The following POLR3B variants were observed in gnomAD, a reference collection of about 807,000 sequenced individuals.
POLR3B encodes DNA-directed RNA polymerase III subunit RPC2.
Under a neutral mutation model 147.4 loss-of-function variants are expected in POLR3B, and 96 were observed. The observed-to-expected ratio is 0.65, with a 90% confidence interval of 0.55 to 0.77. The LOEUF (loss-of-function observed/expected upper bound fraction) is 0.77. Among genes scored for constraint, POLR3B ranks in the 30% least tolerant of loss-of-function variants. The pLI, the probability that POLR3B is intolerant of heterozygous loss-of-function variation, is 0.00. For missense variants in POLR3B, 1,036 were observed against 1,413.5 expected, an observed-to-expected ratio of 0.73 and a Z score of 4.28; for synonymous variants, 461 against 485.9, an observed-to-expected ratio of 0.95 and a Z score of 0.67.
chr12:106,496,293 T>A lies in POLR3B; in HGVS notation c.2817+135T>A, dbSNP rs903941918. On this transcript the variant is annotated intron_variant, in intron 24 of 27. Coordinates refer to ENST00000228347, the MANE Select transcript of POLR3B (RefSeq NM_018082.6). ...TAGAGCTCTTCTGCCCCTTGCCAGATAAACAGGCTTCCAGCCCCTAACGAT... is the reference window on the plus strand; with the variant it reads ...TAGAGCTCTTCTGCCCCTTGCCAGAAAAACAGGCTTCCAGCCCCTAACGAT... The A allele has an allele frequency of 1.5e-5, 11 of 721,716 alleles. No homozygotes were observed. The Admixed American group carries it at 2.0e-4, about 13-fold the overall frequency. The allele number at this position is 721,716 out of a possible 1,614,324, so 44.7% of individuals were successfully genotyped here. A position where few individuals can be genotyped will look rare whatever the true frequency, so the allele number is the denominator to read the frequency against.
chr12:106,379,900 T>C, intron 8 of POLR3B, 131 bp from the exon 9 acceptor site: 1 of 689,576 alleles, frequency 1.5e-6, no homozygotes, highest in Non-Finnish European at 2.7e-6. Flanking sequence ...TTTAAAGTAC[T>C]TATTAGAAAG....
intron 1 of POLR3B, among the ~76,000 whole-genome samples, chr12:106,363,232 C>T (rs768741498): frequency 3.9e-5 from 6 of 152,194 alleles, no homozygotes; most frequent in African/African-American, 7.2e-5. Flanking sequence ...ACTCCATTCC[C>T]GAATTCAAGA....
rs558314443 is a variant in POLR3B at position 106,402,361 on chromosome 12, A to G, written c.847-3496A>G. Among the ~76,000 whole-genome samples the G allele has an allele frequency of 8.0e-4, 122 of 152,300 alleles. 1 individual carries two copies. Among genetic ancestry groups the G allele is most frequent in the African/African-American group, 2.8e-3 (117 of 41,558 alleles). On this transcript the variant is annotated intron_variant, in intron 10 of 27. Coordinates refer to ENST00000228347, the MANE Select transcript of POLR3B (RefSeq NM_018082.6). The stretch of plus-strand genomic sequence containing the variant: ...TCATGCTCATGGGTAGGAAGAATCA[A>G]TATCGTGAAAATGGCCATACTGCCC...
chr12:106,405,749 A>G (rs1290802223), intron 10 of POLR3B, 108 bp from the exon 11 acceptor site: 8 of 1,070,616 alleles, frequency 7.5e-6, no homozygotes, highest in African/African-American at 4.7e-5. Flanking sequence ...AGCTTTCTCT[A>G]TAACCAGGGT....
At chr12:106,366,780 G>C in intron 4 of POLR3B, 58 bp downstream of exon 4, 1 of 1,287,944 alleles carries the variant, frequency 7.8e-7, no homozygotes, top group Non-Finnish European at 1.1e-6. Context: ...TTTTTAAAGT[G>C]AGTGAAGTTG....
At chr12:106,440,353 A>G (rs991350259) in intron 18 of POLR3B, among the ~76,000 whole-genome samples, 1 of 152,096 alleles carries the variant, frequency 6.6e-6, no homozygotes, top group Non-Finnish European at 1.5e-5. Flanking sequence ...ACCTGTTCCC[A>G]TATAGTCTTT....
intron 10 of POLR3B, among the ~76,000 whole-genome samples, chr12:106,405,252 G>C (rs1373481282): frequency 6.6e-6 from 1 of 152,008 alleles, no homozygotes; most frequent in African/African-American, 2.4e-5. Flanking sequence ...GAATTAGTCA[G>C]TTTTTGCTTT....
intron 23 of POLR3B, among the ~76,000 whole-genome samples, chr12:106,472,891 G>T (rs374281078): frequency 1.5e-5 from 2 of 137,060 alleles, no homozygotes; most frequent in South Asian, 2.3e-4. Flanking sequence ...GTCAATTTTG[G>T]CTTTTGTTGC....
At chr12:106,384,630 T>C (rs1303061693) in intron 9 of POLR3B, among the ~76,000 whole-genome samples, 1 of 152,140 alleles carries the variant, frequency 6.6e-6, no homozygotes, top group Non-Finnish European at 1.5e-5. Flanking sequence ...TTTTGTATTT[T>C]TGTGCTTTGT....
chr12:106,463,289 G>A (rs530654402), intron 22 of POLR3B, among the ~76,000 whole-genome samples, 189 bp from the exon 23 acceptor site: 5 of 152,240 alleles, frequency 3.3e-5, no homozygotes, highest in African/African-American at 4.8e-5. Flanking sequence ...CATAATAAAC[G>A]TGTAGCATTG....
At chr12:106,495,753 G>T (rs1418518812) in intron 23 of POLR3B, among the ~76,000 whole-genome samples, 3 of 152,244 alleles carry the variant, frequency 2.0e-5, no homozygotes, top group Admixed American at 2.0e-4. Context: ...CTGGGGTCCA[G>T]TGAAGCTGCT....
chr12:106,496,719 G>A, intron 24 of POLR3B, 33 bp from the exon 25 acceptor site: 1 of 1,604,672 alleles, frequency 6.2e-7, no homozygotes, highest in Non-Finnish European at 8.5e-7. Context: ...GTGCCACAGG[G>A]AGGTGCTCAC....
intron 16 of POLR3B, among the ~76,000 whole-genome samples, chr12:106,434,954 C>T (rs2037558306): frequency 6.6e-6 from 1 of 152,056 alleles, no homozygotes; most frequent in Non-Finnish European, 1.5e-5. Flanking sequence ...AATTTGAATC[C>T]CAGGTAAAAT....
At chr12:106,421,448 A>G (rs569496648) in intron 12 of POLR3B, among the ~76,000 whole-genome samples, 2 of 152,210 alleles carry the variant, frequency 1.3e-5, no homozygotes, top group South Asian at 2.1e-4. Context: ...CAAACTTTTA[A>G]GTTTTTGTCT....
chr12:106,399,089 A>G (rs1184083645), intron 10 of POLR3B, among the ~76,000 whole-genome samples: 3 of 152,208 alleles, frequency 2.0e-5, no homozygotes, highest in Admixed American at 1.3e-4. Context: ...CTGAAAAAAA[A>G]TTAAATGAAT....
intron 23 of POLR3B, among the ~76,000 whole-genome samples, chr12:106,471,271 C>T (rs562045310): frequency 2.0e-5 from 3 of 152,284 alleles, no homozygotes; most frequent in South Asian, 4.1e-4. Flanking sequence ...CAACCAAGCC[C>T]AGGCACAGGA....
intron 6 of POLR3B, 74 bp downstream of exon 6, chr12:106,369,757 T>A: frequency 1.0e-6 from 1 of 966,790 alleles, no homozygotes; most frequent in Non-Finnish European, 1.7e-6. Context: ...TTTCCTCATC[T>A]GAAAAATGCA....
At chr12:106,465,469 C>CT (rs11429763) in intron 23 of POLR3B, among the ~76,000 whole-genome samples, 59,196 of 151,622 alleles carry the variant, frequency 0.39, 13,607 homozygotes, top group African/African-American at 0.64. Context: ...TTCCACTAAA[C>CT]TTTTTTTTTG....
At chr12:106,435,222 G>C (rs1465306914) in intron 16 of POLR3B, among the ~76,000 whole-genome samples, 4 of 151,718 alleles carry the variant, frequency 2.6e-5, no homozygotes, top group Non-Finnish European at 4.4e-5. Flanking sequence ...CCGCCTCCCA[G>C]GTTCAAGCGA....
Sources: allele counts gnomAD v4.1 joint callset (sites outside exome capture counted in the v4.1 genomes callset), GRCh38; gene constraint gnomAD v4.1.1; transcripts MANE v1.5; gene names NCBI Gene and HGNC (gene_info 2026-07-23, HGNC 2026-07-21).